The following RB1CC1 variants were observed in gnomAD, a reference collection of about 807,000 sequenced individuals.
The protein encoded by RB1CC1 is RB1 inducible coiled-coil 1.
A neutral mutation model predicts 177.5 loss-of-function variants in RB1CC1; 46 were observed. The ratio of observed to expected loss-of-function variants is 0.26; its 90% CI spans 0.20 to 0.33. The LOEUF (loss-of-function observed/expected upper bound fraction) is 0.33. Ranked by LOEUF, RB1CC1 falls within the 10% of genes least tolerant of loss-of-function variation. RB1CC1 has a pLI of 1.00. For missense variants in RB1CC1, 1,703 were observed against 1,816.3 expected (o/e 0.94, Z 1.13); for synonymous variants, 666 against 613.6 (o/e 1.09, Z -1.26).
chr8:52,707,451 T>A (rs1856678763), intron 1 of RB1CC1, among the ~76,000 whole-genome samples: 3 of 149,556 alleles, frequency 2.0e-5, no homozygotes, highest in Admixed American at 6.7e-5. Flanking sequence ...TTTTTTTTTT[T>A]ACAAACTTTC....
chr8:52,673,872 G>A lies in RB1CC1; in HGVS notation c.975C>T (p.Val325=), dbSNP rs1041618867. 3 of 1,611,584 alleles carry A rather than the reference G, an allele frequency of 1.9e-6. No individual in the cohort carries two copies. In the African/African-American group the frequency reaches 4.0e-5, roughly 22 times the overall value. ...QDRPNDVESL[V]RKCFDSMSRL... ...TGCTCATAGAATCAAAGCACTTCCTGACCAAAGATTCCACATCATTAGGTC... is the reference window on the plus strand; with the variant it reads ...TGCTCATAGAATCAAAGCACTTCCTAACCAAAGATTCCACATCATTAGGTC... The change falls in exon 7 of 24, where the codon GTC becomes GTT. Residue 325 remains valine (V), a synonymous_variant. Coordinates refer to ENST00000025008, the MANE Select transcript of RB1CC1 (RefSeq NM_014781.5).
Position 52,623,440 on chromosome 8 carries a change from G to C in RB1CC1, c.*342C>G, listed in dbSNP as rs1368941910. On this transcript the variant is annotated 3_prime_UTR_variant, in exon 24 of 24. Coordinates refer to ENST00000025008, the MANE Select transcript of RB1CC1 (RefSeq NM_014781.5). ...AATAACATTTAACATCTAAGTTCAA[G>C]CTAGTGTATATTTAACAGGCAATTA... 3 of 346,122 alleles carry C rather than the reference G, an allele frequency of 8.7e-6. No homozygotes were observed. The highest frequency in any genetic ancestry group is 1.7e-5 in the Non-Finnish European group (3 of 177,750). The allele number at this position is 346,122 out of a possible 1,614,324, so 21.4% of individuals were successfully genotyped here. A position where few individuals can be genotyped will look rare whatever the true frequency, so the allele number is the denominator to read the frequency against.
chr8:52,658,351 G>A (rs1208797485), intron 13 of RB1CC1, among the ~76,000 whole-genome samples: 2 of 152,036 alleles, frequency 1.3e-5, no homozygotes, highest in African/African-American at 4.8e-5. Context: ...GGCCTAGGCG[G>A]GTGGATCATG....
intron 1 of RB1CC1, among the ~76,000 whole-genome samples, chr8:52,698,368 GC>G (rs1420286963): frequency 1.3e-5 from 2 of 151,996 alleles, no homozygotes; most frequent in Non-Finnish European, 2.9e-5. Flanking sequence ...TGTCGCCCAG[GC>G]TGGAGTACAG....
intron 15 of RB1CC1, among the ~76,000 whole-genome samples, chr8:52,654,026 G>T (rs1323568279): frequency 6.6e-6 from 1 of 152,194 alleles, no homozygotes. Context: ...CGACACAGGG[G>T]AGGGAGGTTT....
intron 19 of RB1CC1, among the ~76,000 whole-genome samples, chr8:52,635,256 A>C (rs755318180): frequency 9.2e-5 from 14 of 152,224 alleles, no homozygotes; most frequent in Non-Finnish European, 1.5e-4. Context: ...ATCTATCCCC[A>C]GAGACTTTGT....
intron 21 of RB1CC1, among the ~76,000 whole-genome samples, chr8:52,629,006 A>T (rs1015895478): frequency 2.6e-5 from 4 of 152,118 alleles, no homozygotes; most frequent in African/African-American, 9.7e-5. Context: ...AAATGGGGAG[A>T]TGGGAAATGG....
intron 1 of RB1CC1, among the ~76,000 whole-genome samples, chr8:52,690,271 A>G (rs13270654): frequency 0.22 from 32,736 of 152,158 alleles, 4,397 homozygotes; most frequent in East Asian, 0.65. Context: ...TAGGTAGCTA[A>G]GGGATGCTGA....
intron 3 of RB1CC1, among the ~76,000 whole-genome samples, chr8:52,684,679 T>C (rs983066283): frequency 6.6e-6 from 1 of 152,206 alleles, no homozygotes; most frequent in African/African-American, 2.4e-5. Context: ...CCTATTGACA[T>C]TTATTCATAA....
chr8:52,683,862 T>A, intron 4 of RB1CC1, 25 bp downstream of exon 4: 3 of 1,606,198 alleles, frequency 1.9e-6, no homozygotes, highest in Non-Finnish European at 2.5e-6. Flanking sequence ...TGCATTCTTG[T>A]GTGAAAGGAC....
chr8:52,635,445 T>C (rs748567633), intron 19 of RB1CC1, among the ~76,000 whole-genome samples: 5 of 152,150 alleles, frequency 3.3e-5, no homozygotes, highest in Non-Finnish European at 5.9e-5. Context: ...AAAAAAGGCA[T>C]TGTTGAAAAT....
chr8:52,696,195 C>T (rs1855392097), intron 1 of RB1CC1, among the ~76,000 whole-genome samples: 1 of 152,278 alleles, frequency 6.6e-6, no homozygotes, highest in African/African-American at 2.4e-5. Flanking sequence ...CAGGCACCCA[C>T]CACCACGCCC....
At chr8:52,645,920 T>C (rs1201700817) in intron 15 of RB1CC1, 53 bp from the exon 16 acceptor site, 3 of 1,483,382 alleles carry the variant, frequency 2.0e-6, no homozygotes, top group Admixed American at 4.6e-5. Flanking sequence ...GACACACAAA[T>C]ATACCAAATA....
rs2150529225 is a variant in RB1CC1, at chr8:52,668,114, T to G, written c.1080A>C (p.Lys360Asn). ...GCCGATCTTCAAGTCCTTTAATGGC[T>G]TTCATATTCTGATTATCAAGTTTGG... ...TIAKLDNQNM[K>N]AIKGLEDRLY... is the part of the protein sequence containing the mutation. The change falls in exon 8 of 24, where the codon AAA (lysine) becomes AAC (asparagine). Residue 360 changes from lysine to asparagine, a missense_variant. By Grantham distance (94) the Lys-to-Asn change is moderately conservative (BLOSUM62 0). Around this residue, in one of 6 missense-constraint regions of RB1CC1, gnomAD observed 315 missense variants for 304.9 expected, o/e 1.03. Transcript: ENST00000025008. 6.2e-7 allele frequency: 1 copy of G among 1,614,166 alleles called. No individual in the cohort carries two copies. The highest frequency in any genetic ancestry group is 8.5e-7 in the Non-Finnish European group (1 of 1,180,004).
intron 1 of RB1CC1, among the ~76,000 whole-genome samples, chr8:52,713,071 GTA>G (rs1447556384): frequency 6.6e-6 from 1 of 152,176 alleles, no homozygotes; most frequent in Non-Finnish European, 1.5e-5. Flanking sequence ...CCAAACTTAT[GTA>G]TAAATCATAC....
intron 15 of RB1CC1, among the ~76,000 whole-genome samples, chr8:52,649,793 C>G (rs16918055): frequency 6.6e-6 from 1 of 152,212 alleles, no homozygotes; most frequent in African/African-American, 2.4e-5. Flanking sequence ...CACATACACA[C>G]GTTCCACTCT....
intron 18 of RB1CC1, among the ~76,000 whole-genome samples, chr8:52,637,353 T>A (rs1036956448): frequency 1.6e-4 from 24 of 152,330 alleles, no homozygotes; most frequent in African/African-American, 4.1e-4. Flanking sequence ...CATTTTTGGA[T>A]GATTCATTGC....
At chr8:52,636,467 A>G (rs1225466048) in intron 18 of RB1CC1, among the ~76,000 whole-genome samples, 2 of 152,166 alleles carry the variant, frequency 1.3e-5, no homozygotes, top group Non-Finnish European at 2.9e-5. Flanking sequence ...CCAGGTGTGA[A>G]TTTGCCCAAT....
chr8:52,627,353 A>G (rs1315476641), intron 22 of RB1CC1, among the ~76,000 whole-genome samples: 1 of 152,202 alleles, frequency 6.6e-6, no homozygotes, highest in Non-Finnish European at 1.5e-5. Flanking sequence ...TTTCGAAAAA[A>G]AATATCTACC....
Sources: allele counts gnomAD v4.1 joint callset (sites outside exome capture counted in the v4.1 genomes callset), GRCh38; gene constraint gnomAD v4.1.1; regional missense constraint gnomAD v4.1.1; transcripts MANE v1.5; gene names NCBI Gene and HGNC (gene_info 2026-07-23, HGNC 2026-07-21).